GNL3L: variants seen among roughly 807,000 people sequenced by gnomAD.
The protein encoded by GNL3L is G protein nucleolar 3 like, also known as guanine nucleotide-binding protein-like 3-like protein.
A neutral mutation model predicts 42.9 loss-of-function variants in GNL3L; 4 were observed. The observed-to-expected ratio is 0.09, with a 90% CI of 0.05 to 0.21. GNL3L has a LOEUF of 0.21. Ranked by LOEUF, GNL3L falls within the 10% of genes least tolerant of loss-of-function variation. The pLI, the probability that GNL3L is intolerant of heterozygous loss-of-function variation, is 1.00. For missense variants in GNL3L, 412 were observed against 481.7 expected (o/e 0.86, Z 1.36); for synonymous variants, 159 against 176.3 (o/e 0.90, Z 0.78).
At chrX:54,586,215 G>A (rs772186033) in intron 16 of GNL3L, among the ~76,000 whole-genome samples, 8 of 111,283 alleles carry the variant, frequency 7.2e-5, no homozygotes, top group Admixed American at 9.6e-5. Context: ...ATAAGTGAGA[G>A]ACCCTAGCAG....
At chrX:54,585,366 C>G (rs1466047877) in intron 16 of GNL3L, among the ~76,000 whole-genome samples, 1 of 110,472 alleles carries the variant, frequency 9.1e-6, no homozygotes, top group African/African-American at 3.3e-5. Flanking sequence ...GTATAAATCA[C>G]TAGTGAAACC....
intron 16 of GNL3L, among the ~76,000 whole-genome samples, chrX:54,586,434 G>A (rs926836681): frequency 1.8e-5 from 2 of 111,500 alleles, no homozygotes; most frequent in African/African-American, 3.3e-5. Context: ...AGCCCACAGC[G>A]GACTGCATCC....
At chrX:54,554,442 GA>G in intron 13 of GNL3L, 122 bp from the exon 14 acceptor site, 2 of 625,139 alleles carry the variant, frequency 3.2e-6, no homozygotes, top group Non-Finnish European at 4.9e-6. Context: ...CAGCAGGAGT[GA>G]AAAAGTTCCT....
chrX:54,607,093 CTTTCTTTCTT>C (rs1569542634), intron 16 of GNL3L, among the ~76,000 whole-genome samples: 13 of 51,190 alleles, frequency 2.5e-4, no homozygotes, highest in East Asian at 5.7e-4. Flanking sequence ...TTCTTTCTTT[CTTTCTTTCTT>C]TCTTTCTTTC....
At chrX:54,625,734 C>T (rs1398491744), downstream of GNL3L, among the ~76,000 whole-genome samples, 1 of 110,988 alleles carries the variant, frequency 9.0e-6, no homozygotes, top group African/African-American at 3.3e-5. Flanking sequence ...TATGGCATGA[C>T]ATCAAAGCCA....
chrX:54,635,317 T>C, the GNL3L span, among the ~76,000 whole-genome samples: 3 of 111,740 alleles, frequency 2.7e-5, no homozygotes, highest in African/African-American at 9.8e-5. Context: ...TAATTTCCTT[T>C]AGTTATTTGT....
At chrX:54,544,842 C>CT (rs754133648) in intron 8 of GNL3L, among the ~76,000 whole-genome samples, 10 of 110,649 alleles carry the variant, frequency 9.0e-5, no homozygotes, top group African/African-American at 2.0e-4. Flanking sequence ...GGAAGCATTT[C>CT]TTTTTTTTCA....
rs1181968430 is a variant in GNL3L at position 54,532,579 on chromosome X, A to G, written c.13A>G (p.Arg5Gly). 2.6e-6 allele frequency: 3 copies of G among 1,175,313 alleles called. No individual in the cohort carries two copies. The highest frequency in any genetic ancestry group is 3.0e-5 in the East Asian group (1 of 33,632). Reference protein sequence around the residue: MMKLRHKNKKPGEGS... With the variant: MMKLGHKNKKPGEGS... ...CAAGCTGGTCATCATGATGAAACTT[A>G]GACACAGTGAGTTTCCTTTACCACC... The change falls in exon 2 of 16, where the codon AGA becomes GGA. Residue 5 changes from arginine (R) to glycine (G), a missense_variant. By Grantham distance (125) the Arg-to-Gly change is moderately radical. Transcript: ENST00000360845.
chrX:54,638,292 A>G, the GNL3L span, among the ~76,000 whole-genome samples: 1 of 111,427 alleles, frequency 9.0e-6, no homozygotes, highest in Admixed American at 9.6e-5. Context: ...AGCGAATTAG[A>G]CACAGTCCAC....
downstream of GNL3L, among the ~76,000 whole-genome samples, chrX:54,571,194 A>T (rs1378529466): frequency 1.1e-5 from 1 of 91,471 alleles, no homozygotes; most frequent in African/African-American, 4.3e-5. Context: ...TGTCATCCTA[A>T]TTTTTTTTTT....
chrX:54,612,198 G>T (rs1427081566), intron 16 of GNL3L, among the ~76,000 whole-genome samples: 1 of 112,020 alleles, frequency 8.9e-6, no homozygotes, highest in Non-Finnish European at 1.9e-5. Context: ...TCTTCTAGCT[G>T]CTGTTGCTTT....
chrX:54,582,734 C>T (rs1925733579), intron 16 of GNL3L, among the ~76,000 whole-genome samples: 1 of 111,749 alleles, frequency 8.9e-6, no homozygotes, highest in Admixed American at 9.5e-5. Context: ...AGGTGCGTGC[C>T]ACCACGCCCA....
At chrX:54,575,028 A>C (rs774302268) in intron 16 of GNL3L, among the ~76,000 whole-genome samples, 3 of 111,906 alleles carry the variant, frequency 2.7e-5, no homozygotes, top group Non-Finnish European at 3.8e-5. Flanking sequence ...GTTTACCTAA[A>C]GTTTTGTCAA....
intron 15 of GNL3L, among the ~76,000 whole-genome samples, chrX:54,560,077 G>C (rs369958869): frequency 2.7e-5 from 3 of 110,275 alleles, no homozygotes; most frequent in East Asian, 5.8e-4. Flanking sequence ...GTGAAGTCTG[G>C]GGGGCATCCT....
chrX:54,532,550 C>T lies in GNL3L; in HGVS notation c.-17C>T. The T allele has an allele frequency of 8.4e-7, 1 of 1,186,009 alleles. No individual in the cohort carries two copies. The highest frequency in any genetic ancestry group is 1.1e-6 in the Non-Finnish European group (1 of 871,884). On this transcript the variant is annotated 5_prime_UTR_variant, in exon 2 of 16. Coordinates refer to ENST00000360845, the MANE Select transcript of GNL3L (RefSeq NM_001184819.2). ...GAGCAAGCAGATTTGAACCTATCTGCTTTCAAGCTGGTCATCATGATGAAA... is the reference window on the plus strand; with the variant it reads ...GAGCAAGCAGATTTGAACCTATCTGTTTTCAAGCTGGTCATCATGATGAAA...
chrX:54,591,341 C>G (rs1925869424), intron 16 of GNL3L, among the ~76,000 whole-genome samples: 1 of 110,000 alleles, frequency 9.1e-6, no homozygotes, highest in Non-Finnish European at 1.9e-5. Flanking sequence ...TCCTGTAATC[C>G]CAGTGCTTTG....
the GNL3L span, among the ~76,000 whole-genome samples, chrX:54,628,212 GGTGTGTGT>G: frequency 0.018 from 1,760 of 95,757 alleles, 48 homozygotes; most frequent in African/African-American, 0.063. Flanking sequence ...AGTATTCCGT[GGTGTGTGT>G]GTGTGTGTGT....
At chrX:54,645,454 G>A in the GNL3L span, among the ~76,000 whole-genome samples, 25 of 112,067 alleles carry the variant, frequency 2.2e-4, no homozygotes, top group Non-Finnish European at 3.0e-4. Context: ...TGAGATGACC[G>A]TGTGGGTTTT....
At position 54,566,310 on chromosome X, in the gene GNL3L, A is replaced by G. The variant is rs1429977003; in HGVS notation, c.*5708A>G. Among the ~76,000 whole-genome samples, 1 of 112,170 alleles carries G rather than the reference A, an allele frequency of 8.9e-6. No individual in the cohort carries two copies. The highest frequency in any genetic ancestry group is 1.9e-5 in the Non-Finnish European group (1 of 53,284). On this transcript the variant is annotated 3_prime_UTR_variant, in exon 16 of 16. Transcript: ENST00000360845. ...GTTCCCATAATCCCCACACATATGT[A>G]CCACATTTTCTTTATCCAGTCTTTC...
Sources: gnomAD v4.1 joint callset for allele counts (sites outside exome capture counted in the v4.1 genomes callset) on GRCh38, gnomAD v4.1.1 for gene constraint, MANE v1.5 for transcripts, NCBI Gene and HGNC (gene_info 2026-07-23, HGNC 2026-07-21) for gene names.